GIT2: variants seen among roughly 807,000 people sequenced by gnomAD.
GIT2 encodes the protein GIT ArfGAP 2, also known as ARF GTPase-activating protein GIT2.
Under a neutral mutation model 100.3 loss-of-function variants are expected in GIT2, and 32 were observed. That is an observed-to-expected ratio of 0.32 (90% CI 0.24 to 0.43). The LOEUF (loss-of-function observed/expected upper bound fraction) is 0.43, where lower values mean the gene tolerates loss of function less well. Among genes scored for constraint, GIT2 ranks in the 20% least tolerant of loss-of-function variants. The pLI, the probability that GIT2 is intolerant of heterozygous loss-of-function variation, is 1.00. For synonymous variants in GIT2, 353 were observed against 364.1 expected (o/e 0.97, Z 0.35); for missense variants, 737 against 975.1 (o/e 0.76, Z 3.25).
At chr12:109,952,423 T>G (rs779080279) in intron 13 of GIT2, 7 of 505,724 alleles carry the variant, frequency 1.4e-5, no homozygotes, top group Non-Finnish European at 2.4e-5. Flanking sequence ...CCCTCCACTC[T>G]CTAACCCACC....
At chr12:109,978,854 T>C (rs1885688800) in intron 7 of GIT2, among the ~76,000 whole-genome samples, 1 of 152,242 alleles carries the variant, frequency 6.6e-6, no homozygotes, top group South Asian at 2.1e-4. Context: ...TGGCATCTGT[T>C]GGCTGCCTTC....
At chr12:109,998,819 G>A (rs1281856189), upstream of GIT2, 2 of 152,128 alleles carry the variant, frequency 1.3e-5, no homozygotes, top group African/African-American at 2.4e-5. Context: ...GTTTTGGGGA[G>A]TGCTACTGGC....
At chr12:109,975,865 G>A (rs925178547) in intron 7 of GIT2, among the ~76,000 whole-genome samples, 1 of 149,464 alleles carries the variant, frequency 6.7e-6, no homozygotes, top group Admixed American at 6.7e-5. Flanking sequence ...TCTGCCTCCC[G>A]GGTTCAAGCA....
At chr12:109,991,603 G>C (rs748414031) in intron 2 of GIT2, 24 bp downstream of exon 2, 5 of 1,588,928 alleles carry the variant, frequency 3.1e-6, no homozygotes, top group Non-Finnish European at 3.4e-6. Flanking sequence ...ATTACCAACT[G>C]TCAGGAGAAT....
intron 13 of GIT2, chr12:109,952,574 C>G: frequency 1.9e-6 from 1 of 519,182 alleles, no homozygotes; most frequent in Middle Eastern, 3.2e-4. Context: ...ACCAGCTTCC[C>G]CTTAGATGCC....
intron 9 of GIT2, among the ~76,000 whole-genome samples, chr12:109,963,536 G>A (rs1406230043): frequency 3.3e-5 from 5 of 152,214 alleles, no homozygotes; most frequent in African/African-American, 1.2e-4. Context: ...AGGCAGAGAA[G>A]ATAGTAGCTT....
intron 1 of GIT2, among the ~76,000 whole-genome samples, chr12:109,994,768 T>G (rs750116955): frequency 6.6e-6 from 1 of 152,140 alleles, no homozygotes; most frequent in Non-Finnish European, 1.5e-5. Flanking sequence ...TAGACACATG[T>G]GAATCAAATA....
Position 109,939,173 on chromosome 12 carries a change from A to G in GIT2, c.1806T>C (p.Asp602=). 1 of 1,605,162 alleles carries G rather than the reference A, an allele frequency of 6.2e-7. No individual in the cohort carries two copies. Among genetic ancestry groups the G allele is most frequent in the Non-Finnish European group, 8.5e-7 (1 of 1,172,018 alleles). ...YDNTPNDMEP[D]GMGSSRKGRQ... is the part of the protein sequence containing the mutation. ...TCGTCCTGTGCATGTACCCCATGCC[A>G]TCTGGCTCCATGTCGTTGGGAGTGT... Residue 602 remains aspartate, a synonymous_variant, in exon 17 of 20, where the codon GAT becomes GAC. Transcript: ENST00000355312.
intron 13 of GIT2, among the ~76,000 whole-genome samples, chr12:109,951,976 T>G (rs1481617722): frequency 6.6e-6 from 1 of 152,074 alleles, no homozygotes; most frequent in African/African-American, 2.4e-5. Context: ...GTGTGTGGGA[T>G]GGACTGGGCA....
At chr12:109,954,557 A>C (rs1315791410) in intron 12 of GIT2, 1 of 152,170 alleles carries the variant, frequency 6.6e-6, no homozygotes, top group African/African-American at 2.4e-5. Flanking sequence ...GATGTTGAGG[A>C]AACAATGGAT....
chr12:109,997,834 T>C (rs1889665682), upstream of GIT2: 4 of 152,220 alleles, frequency 2.6e-5, 1 homozygote, highest in Admixed American at 2.6e-4. Context: ...ATTTACAAAA[T>C]GGTGTGAGAT....
chr12:109,966,896 G>A (rs1258671145), intron 8 of GIT2, among the ~76,000 whole-genome samples: 2 of 152,090 alleles, frequency 1.3e-5, no homozygotes, highest in African/African-American at 2.4e-5. Context: ...TGGTTTTTAC[G>A]TTTTAAAATG....
chr12:109,933,929 C>G lies in GIT2; in HGVS notation c.2067+93G>C. 1 of 791,026 alleles carries G rather than the reference C, an allele frequency of 1.3e-6. No homozygotes were observed. The highest frequency in any genetic ancestry group is 2.3e-6 in the Non-Finnish European group (1 of 434,120). 49.0% of individuals were successfully genotyped at this position (791,026 alleles called of 1,614,324 possible). A position where few individuals can be genotyped will look rare whatever the true frequency, so the allele number is the denominator to read the frequency against. Reference sequence around the variant, plus strand: ...ACTGCATATTTTAAAACTGCATGTGCTACAAAAAAGCTAATGTAATATATA... The same window carrying G: ...ACTGCATATTTTAAAACTGCATGTGGTACAAAAAAGCTAATGTAATATATA... On this transcript the variant is annotated intron_variant, in intron 19 of 19. Coordinates refer to ENST00000355312, the MANE Select transcript of GIT2 (RefSeq NM_057169.5). This position sits in a 1 kb window ranked among gnomAD's most constrained non-coding sequence, Gnocchi z 4.5.
intron 1 of GIT2, among the ~76,000 whole-genome samples, chr12:109,993,096 AGT>A (rs1412963954): frequency 1.3e-5 from 2 of 152,032 alleles, no homozygotes; most frequent in African/African-American, 4.8e-5. Flanking sequence ...TAATATTTTT[AGT>A]GTGTGTATAA....
chr12:109,977,578 C>G (rs963708917), intron 7 of GIT2, among the ~76,000 whole-genome samples: 7 of 151,776 alleles, frequency 4.6e-5, no homozygotes, highest in Non-Finnish European at 4.4e-5. Context: ...AGTCCCAGCC[C>G]TTTGGGAAGC....
chr12:109,997,289 G>C (rs1469983129), upstream of GIT2: 1 of 151,508 alleles, frequency 6.6e-6, no homozygotes, highest in Non-Finnish European at 1.5e-5. Context: ...TGAGGCATGA[G>C]AATCGCTTGA....
chr12:109,996,736 C>T (rs1263052325), upstream of GIT2, among the ~76,000 whole-genome samples: 1 of 152,144 alleles, frequency 6.6e-6, no homozygotes, highest in Non-Finnish European at 1.5e-5. Context: ...AATTTCTAGT[C>T]CTTATGAAGC....
intron 7 of GIT2, among the ~76,000 whole-genome samples, chr12:109,977,897 C>T (rs1215292974): frequency 6.6e-6 from 1 of 152,046 alleles, no homozygotes; most frequent in Non-Finnish European, 1.5e-5. Context: ...ATTCAAATCA[C>T]TGTTTTTCTA....
rs903841979 is a variant in GIT2 at position 109,933,946 on chromosome 12, T to C, written c.2067+76A>G. On this transcript the variant is annotated intron_variant, in intron 19 of 19. Transcript: ENST00000355312. This position sits in a 1 kb window ranked among gnomAD's most constrained non-coding sequence, Gnocchi z 4.5. ...TGCATGTGCTACAAAAAAGCTAATGTAATATATAGGTCATAAAGAAATTTC... is the reference window on the plus strand; with the variant it reads ...TGCATGTGCTACAAAAAAGCTAATGCAATATATAGGTCATAAAGAAATTTC... 54 of 841,166 alleles carry C rather than the reference T, an allele frequency of 6.4e-5. No homozygotes were observed. The highest frequency in any genetic ancestry group is 6.8e-5 in the Admixed American group (4 of 58,608). The allele number at this position is 841,166 out of a possible 1,614,324, so 52.1% of individuals were successfully genotyped here.
Sources: allele counts gnomAD v4.1 joint callset (sites outside exome capture counted in the v4.1 genomes callset), GRCh38; gene constraint gnomAD v4.1.1; non-coding constraint Gnocchi (gnomAD v3.1); transcripts MANE v1.5; gene names NCBI Gene and HGNC (gene_info 2026-07-23, HGNC 2026-07-21).